ACO2: variants seen among roughly 807,000 people sequenced by gnomAD.
The protein encoded by ACO2 is aconitate hydratase, mitochondrial.
A neutral mutation model predicts 84.5 loss-of-function variants in ACO2; 31 were observed. The observed-to-expected ratio is 0.37, with a 90% CI of 0.28 to 0.50. ACO2 has a LOEUF of 0.50. Ranked by LOEUF, ACO2 falls within the 20% of genes least tolerant of loss-of-function variation. The pLI is 0.97. For synonymous variants in ACO2, 414 were observed against 412.7 expected, an observed-to-expected ratio of 1.00 and a Z score of -0.04; for missense variants, 685 against 1,029.3, an observed-to-expected ratio of 0.67 and a Z score of 4.58.
intron 1 of ACO2, among the ~76,000 whole-genome samples, chr22:41,488,143 T>C (rs949687654): frequency 3.9e-5 from 6 of 152,330 alleles, no homozygotes; most frequent in Admixed American, 3.3e-4. Context: ...ACTTTCTGTT[T>C]TGGTGTCTTC....
chr22:41,470,528 C>CTTTTTTTTTTTTTTTTTTT (rs71184811), intron 1 of ACO2, among the ~76,000 whole-genome samples: 5 of 95,854 alleles, frequency 5.2e-5, no homozygotes, highest in East Asian at 2.6e-4. Context: ...CTCTTTACAT[C>CTTTTTTTTTTTTTTTTTTT]TTTTTTTTTT....
chr22:41,520,829 G>A lies in ACO2; in HGVS notation c.1138+553G>A, dbSNP rs914604147. Among the ~76,000 whole-genome samples, 5 of 148,636 alleles carry A rather than the reference G, an allele frequency of 3.4e-5. No homozygotes were observed. In the East Asian group the frequency reaches 6.1e-4, roughly 18 times the overall value. ...TGCACTCCAGCCTGGGTGACAGAGC[G>A]AGGCTCCGTCTCAGAAAAAAAAAAA... On this transcript the variant is annotated intron_variant, in intron 9 of 17. Transcript: ENST00000216254.
intron 1 of ACO2, among the ~76,000 whole-genome samples, chr22:41,483,786 T>C (rs1265739339): frequency 6.6e-6 from 1 of 152,160 alleles, no homozygotes; most frequent in Non-Finnish European, 1.5e-5. Context: ...AGTGGGAGGA[T>C]GGCAGATACT....
intron 4 of ACO2, 22 bp downstream of exon 4, chr22:41,511,990 C>G (rs749899216): frequency 1.3e-6 from 2 of 1,589,070 alleles, no homozygotes; most frequent in East Asian, 2.3e-5. Flanking sequence ...CTCAGTCTGC[C>G]GTCCCAAGGG....
intron 1 of ACO2, among the ~76,000 whole-genome samples, chr22:41,471,040 A>G (rs1385968852): frequency 6.6e-6 from 1 of 152,212 alleles, no homozygotes; most frequent in African/African-American, 2.4e-5. Context: ...ACTGGTGTAG[A>G]AGGAGATCTG....
chr22:41,511,254 C>A (rs1445231971), intron 3 of ACO2, among the ~76,000 whole-genome samples: 1 of 152,216 alleles, frequency 6.6e-6, no homozygotes, highest in Non-Finnish European at 1.5e-5. Context: ...CTCATTGCAT[C>A]CTTGTCTCCC....
At chr22:41,471,195 C>T (rs1026941175) in intron 1 of ACO2, among the ~76,000 whole-genome samples, 2 of 152,168 alleles carry the variant, frequency 1.3e-5, no homozygotes, top group African/African-American at 2.4e-5. Context: ...ACAACCATCA[C>T]GTAGACTAAC....
In ACO2 at chr22:41,527,231, A is replaced by G. The variant is rs1053498377; in HGVS notation, c.1954-57A>G. The G allele has an allele frequency of 3.7e-6, 6 of 1,613,028 alleles. No homozygotes were observed. The Admixed American group carries it at 1.0e-4, about 27-fold the overall frequency. On this transcript the variant is annotated intron_variant, in intron 15 of 17. Coordinates refer to ENST00000216254, the MANE Select transcript of ACO2 (RefSeq NM_001098.3). ...GGTGAGGCCAGGCAGGTAGGGCCAG[A>G]CAGGTGAGGACGGTGCCCTCCTCTG...
chr22:41,511,123 G>T (rs561086908), intron 3 of ACO2, among the ~76,000 whole-genome samples: 1 of 151,994 alleles, frequency 6.6e-6, no homozygotes, highest in African/African-American at 2.4e-5. Flanking sequence ...TTCCTGCCTC[G>T]GCCTGCAAGT....
chr22:41,519,006 A>G (rs1435758633), intron 8 of ACO2, among the ~76,000 whole-genome samples: 1 of 152,176 alleles, frequency 6.6e-6, no homozygotes. Context: ...GTGTTCCTGC[A>G]AACTGCTTCC....
intron 6 of ACO2, chr22:41,517,287 T>G (rs2066482946): frequency 2.0e-6 from 1 of 491,640 alleles, no homozygotes; most frequent in African/African-American, 2.0e-5. Flanking sequence ...GTCCTCTTCA[T>G]TCTACCCAGC....
chr22:41,520,215 C>T lies in ACO2; in HGVS notation c.1077C>T (p.His359=), dbSNP rs1443654636. The T allele has an allele frequency of 1.2e-6, 2 of 1,614,004 alleles. No homozygotes were observed. The change falls in exon 9 of 18, where the codon CAC becomes CAT. Residue 359 remains histidine (H), a synonymous_variant. Transcript: ENST00000216254. ...INGPFTPDLA[H]PVAEVGKVAE... ...GGCCCTTCACCCCTGACCTGGCTCA[C>T]CCTGTGGCAGAAGTGGGCAAGGTGG...
chr22:41,489,319 C>T (rs561258617), intron 1 of ACO2, among the ~76,000 whole-genome samples: 3 of 152,322 alleles, frequency 2.0e-5, no homozygotes, highest in South Asian at 2.1e-4. Context: ...GCTGGGATTA[C>T]AGGTGTTGTG....
chr22:41,483,818 C>T (rs907296669), intron 1 of ACO2, among the ~76,000 whole-genome samples: 6 of 151,972 alleles, frequency 3.9e-5, no homozygotes, highest in South Asian at 2.1e-4. Context: ...TCTCTCAAAA[C>T]GACAGTAATC....
At chr22:41,477,781 T>C (rs887890205) in intron 1 of ACO2, among the ~76,000 whole-genome samples, 7 of 151,968 alleles carry the variant, frequency 4.6e-5, no homozygotes, top group South Asian at 4.2e-4. Flanking sequence ...AAAAGACCAG[T>C]TGTGGCCGGG....
At chr22:41,484,849 G>A (rs1189038292) in intron 1 of ACO2, among the ~76,000 whole-genome samples, 2 of 150,536 alleles carry the variant, frequency 1.3e-5, no homozygotes, top group Admixed American at 6.6e-5. Context: ...GTAAGTGACA[G>A]AGCTGGGCTT....
At chr22:41,526,132 GAC>G in intron 14 of ACO2, 128 bp from the exon 15 acceptor site, 1 of 746,538 alleles carries the variant, frequency 1.3e-6, no homozygotes, top group Non-Finnish European at 2.2e-6. Flanking sequence ...CGTGTCTGAA[GAC>G]TTGCCTGCCT....
chr22:41,509,143 A>G lies in ACO2; in HGVS notation c.432+1094A>G, dbSNP rs148563472. ...GCTCCCACAGTGCCGGGAACTGCAC[A>G]TGGCCGGGAACGTGGGTCCTCTGCA... is the stretch of plus-strand genomic sequence containing the variant. On this transcript the variant is annotated intron_variant, in intron 3 of 17. Transcript: ENST00000216254. Among the ~76,000 whole-genome samples, 527 of 152,254 alleles carry G rather than the reference A, an allele frequency of 3.5e-3. 4 individuals are homozygous for G. Among genetic ancestry groups the G allele is most frequent in the Middle Eastern group, 0.031 (9 of 294 alleles).
At chr22:41,504,828 A>ACCAGCC (rs1429753131) in intron 2 of ACO2, among the ~76,000 whole-genome samples, 20 of 143,372 alleles carry the variant, frequency 1.4e-4, no homozygotes, top group Non-Finnish European at 2.5e-4. Flanking sequence ...GGGTCAATCC[A>ACCAGCC]TCCTCCCACC....
Sources: gnomAD v4.1 joint callset for allele counts (sites outside exome capture counted in the v4.1 genomes callset) on GRCh38, gnomAD v4.1.1 for gene constraint, MANE v1.5 for transcripts, NCBI Gene and HGNC (gene_info 2026-07-23, HGNC 2026-07-21) for gene names.